CTNNA2: variants seen among roughly 807,000 people sequenced by gnomAD.
The protein encoded by CTNNA2 is catenin alpha-2.
A neutral mutation model predicts 101.0 loss-of-function variants in CTNNA2; 42 were observed. That is an observed-to-expected ratio of 0.42 (90% confidence interval 0.32 to 0.54). The LOEUF (loss-of-function observed/expected upper bound fraction) is 0.54. Among genes scored for constraint, CTNNA2 ranks in the 20% least tolerant of loss-of-function variants. The probability of loss-of-function intolerance (pLI) is 0.14; values close to 1 mark genes in which losing one functional copy is unlikely to be tolerated. For synonymous variants in CTNNA2, 450 were observed against 456.4 expected (o/e 0.99, Z 0.18); for missense variants, 871 against 1,223.1 (o/e 0.71, Z 4.29).
At chr2:79,638,629 C>A (rs943505782) in intron 1 of CTNNA2, among the ~76,000 whole-genome samples, 2 of 152,164 alleles carry the variant, frequency 1.3e-5, no homozygotes, top group African/African-American at 4.8e-5. Context: ...ACTTTAGATC[C>A]AGTGAATCAG....
intron 4 of CTNNA2, among the ~76,000 whole-genome samples, chr2:79,858,525 G>A (rs1681323394): frequency 6.6e-6 from 1 of 152,124 alleles, no homozygotes. Flanking sequence ...AGCAATCTTG[G>A]TCCATGTGAT....
At chr2:80,508,416 T>C (rs532968875) in intron 9 of CTNNA2, among the ~76,000 whole-genome samples, 10 of 152,096 alleles carry the variant, frequency 6.6e-5, no homozygotes, top group Admixed American at 2.0e-4. Context: ...ACCCAGGAGG[T>C]AGAGGTTTCA....
At chr2:80,439,940 CAG>C (rs932255056) in intron 9 of CTNNA2, among the ~76,000 whole-genome samples, 1 of 152,124 alleles carries the variant, frequency 6.6e-6, no homozygotes, top group African/African-American at 2.4e-5. Flanking sequence ...ATGAACAAAA[CAG>C]AGATCTCTAC....
intron 7 of CTNNA2, among the ~76,000 whole-genome samples, chr2:80,124,834 C>T (rs764544952): frequency 6.6e-6 from 1 of 152,120 alleles, no homozygotes; most frequent in Non-Finnish European, 1.5e-5. Context: ...CTTTGGACAT[C>T]AGCAGGAGAG....
chr2:79,504,608 G>A (rs1671372946), intron 4 of CTNNA2, among the ~76,000 whole-genome samples: 1 of 152,104 alleles, frequency 6.6e-6, no homozygotes, highest in African/African-American at 2.4e-5. Flanking sequence ...AATCTTTAAT[G>A]ACGGAGTATC....
At chr2:79,667,076 C>G (rs1276557910) in intron 2 of CTNNA2, among the ~76,000 whole-genome samples, 1 of 152,222 alleles carries the variant, frequency 6.6e-6, no homozygotes, top group Non-Finnish European at 1.5e-5. Flanking sequence ...CATGCAAACC[C>G]TAAAGCTGGG....
intron 7 of CTNNA2, among the ~76,000 whole-genome samples, chr2:80,057,138 T>A (rs1040339796): frequency 5.3e-5 from 8 of 152,050 alleles, no homozygotes; most frequent in African/African-American, 1.9e-4. Context: ...ATAAAGCTTT[T>A]TAAAAGTAAA....
intron 7 of CTNNA2, among the ~76,000 whole-genome samples, chr2:80,193,052 C>A (rs1030968723): frequency 1.3e-5 from 2 of 152,142 alleles, no homozygotes; most frequent in African/African-American, 4.8e-5. Flanking sequence ...TCCCTCAATT[C>A]TCAGTGACTA....
chr2:80,262,250 T>C (rs1672666331), intron 7 of CTNNA2, among the ~76,000 whole-genome samples: 1 of 152,164 alleles, frequency 6.6e-6, no homozygotes, highest in South Asian at 2.1e-4. Flanking sequence ...TTTCACTCAT[T>C]TTATAATAAC....
At chr2:79,905,529 T>G (rs1009239980) in intron 6 of CTNNA2, among the ~76,000 whole-genome samples, 3 of 152,204 alleles carry the variant, frequency 2.0e-5, no homozygotes, top group Non-Finnish European at 4.4e-5. Flanking sequence ...CTCCTCATCC[T>G]TTCACTCTTT....
At chr2:80,545,879 A>T (rs1224084794) in intron 10 of CTNNA2, 28 bp from the exon 11 acceptor site, 14 of 1,609,188 alleles carry the variant, frequency 8.7e-6, no homozygotes, top group African/African-American at 1.3e-5. Flanking sequence ...TGTGGTCATC[A>T]TGTCCCTGGA....
rs928213937 is a variant in CTNNA2 at position 79,396,764 on chromosome 2, T to C, written c.-135+22751T>C. On this transcript the variant is annotated intron_variant, in intron 4 of 21. Coordinates refer to the CTNNA2 transcript ENST00000466387. ...AACCCGGAGTTTAGGTTGATACTTT[T>C]CTCCTCAATTAATAAATGGAGAGAA... 2.0e-5 allele frequency among the ~76,000 whole-genome samples: 3 copies of C among 152,228 alleles called. No individual in the cohort carries two copies. The East Asian group carries it at 5.8e-4, about 29-fold the overall frequency.
At chr2:79,824,575 G>A (rs1435882601) in intron 3 of CTNNA2, among the ~76,000 whole-genome samples, 1 of 152,136 alleles carries the variant, frequency 6.6e-6, no homozygotes, top group East Asian at 1.9e-4. Context: ...ATTTAGTCAA[G>A]TTTGGTCAAA....
Position 79,358,209 on chromosome 2 carries a change from T to TC in CTNNA2, c.-317-15622_-317-15621insC, listed in dbSNP as rs534551304. Among the ~76,000 whole-genome samples, 153 of 152,080 alleles carry TC rather than the reference T, an allele frequency of 1.0e-3. 3 individuals are homozygous for TC. The South Asian group carries it at 0.031, about 31-fold the overall frequency. Reference sequence around the variant, plus strand: ...TTTTGTCTTTTCTTTTTCTTCTTTTTTTTTTTTTAGATGGAGTTTTGCTCT... The same window carrying TC: ...TTTTGTCTTTTCTTTTTCTTCTTTTTCTTTTTTTTAGATGGAGTTTTGCTCT... On this transcript the variant is annotated intron_variant, in intron 3 of 21. Transcript: ENST00000466387.
chr2:79,989,511 T>C (rs907734397), intron 7 of CTNNA2, among the ~76,000 whole-genome samples: 1 of 152,076 alleles, frequency 6.6e-6, no homozygotes, highest in African/African-American at 2.4e-5. Context: ...GGCATGCACC[T>C]GTGTAGTCCC....
chr2:79,982,363 T>TAAC (rs900018527), intron 7 of CTNNA2, among the ~76,000 whole-genome samples: 13 of 136,026 alleles, frequency 9.6e-5, no homozygotes, highest in Non-Finnish European at 1.8e-4. Context: ...ATAACCTATA[T>TAAC]AACATATATA....
intron 2 of CTNNA2, among the ~76,000 whole-genome samples, chr2:79,727,152 T>A (rs943410794): frequency 6.6e-6 from 1 of 152,206 alleles, no homozygotes; most frequent in Non-Finnish European, 1.5e-5. Flanking sequence ...ATGAAAAATG[T>A]AAAGAAAATA....
chr2:79,705,143 C>A (rs573728082), intron 2 of CTNNA2, among the ~76,000 whole-genome samples: 1 of 152,228 alleles, frequency 6.6e-6, no homozygotes. Context: ...CCCTGCTCCC[C>A]ACAAACAGAG....
At chr2:80,484,649 T>C (rs1559147202) in intron 9 of CTNNA2, among the ~76,000 whole-genome samples, 1 of 152,116 alleles carries the variant, frequency 6.6e-6, no homozygotes, top group East Asian at 1.9e-4. Context: ...ATAATAAACA[T>C]GGAACTCATT....
Sources: gnomAD v4.1 joint callset for allele counts (sites outside exome capture counted in the v4.1 genomes callset) on GRCh38, gnomAD v4.1.1 for gene constraint, MANE v1.5 for transcripts, NCBI Gene and HGNC (gene_info 2026-07-23, HGNC 2026-07-21) for gene names.